PBX1: variants seen among roughly 807,000 people sequenced by gnomAD.
PBX1 encodes PBX homeobox 1.
Under a neutral mutation model 53.4 loss-of-function variants are expected in PBX1, and 6 were observed. That is an observed-to-expected ratio of 0.11 (90% confidence interval 0.06 to 0.22). The LOEUF is 0.22. Among genes scored for constraint, PBX1 ranks in the 10% least tolerant of loss-of-function variants. The pLI is 1.00. For synonymous variants in PBX1, 204 were observed against 212.3 expected, an observed-to-expected ratio of 0.96 and a Z score of 0.34; for missense variants, 251 against 551.4, an observed-to-expected ratio of 0.46 and a Z score of 5.46.
At chr1:164,870,255 TTCCTTCCTTCC>T (rs1291015151) in intron 2 of PBX1, among the ~76,000 whole-genome samples, 2 of 71,362 alleles carry the variant, frequency 2.8e-5, no homozygotes, top group Non-Finnish European at 5.4e-5. Context: ...CCTTCCTTCC[TTCCTTCCTTCC>T]TTCTTTCTTT....
At chr1:164,632,270 A>C (rs1243354081) in intron 2 of PBX1, among the ~76,000 whole-genome samples, 12 of 152,280 alleles carry the variant, frequency 7.9e-5, no homozygotes, top group Non-Finnish European at 1.5e-5. Flanking sequence ...TGAAGTTACA[A>C]AGCAGGAAGT....
At chr1:164,814,566 C>G (rs1365802400) in intron 6 of PBX1, 1 of 152,130 alleles carries the variant, frequency 6.6e-6, no homozygotes, top group African/African-American at 2.4e-5. Flanking sequence ...GTGGTGAAAC[C>G]CCGTCTCTAC....
rs148838054 is a variant in PBX1 at position 164,769,705 on chromosome 1, A to G, written c.266-22789A>G. Among the ~76,000 whole-genome samples the G allele has an allele frequency of 1.1e-3, 170 of 152,302 alleles. 2 individuals carry two copies. The highest frequency in any genetic ancestry group is 4.0e-3 in the African/African-American group (166 of 41,554). ...ACCAAATCATTTATGAATAACTTAT[A>G]TATAAGTGATGAAACTCTATAGTAC... On this transcript the variant is annotated intron_variant, in intron 2 of 8. Transcript: ENST00000420696.
At chr1:164,811,780 T>A (rs948723792) in intron 5 of PBX1, among the ~76,000 whole-genome samples, 2 of 152,210 alleles carry the variant, frequency 1.3e-5, no homozygotes, top group Non-Finnish European at 2.9e-5. Context: ...TTTCGCTAAA[T>A]TTCAGTTATA....
intron 2 of PBX1, among the ~76,000 whole-genome samples, chr1:164,858,222 A>G (rs1392446652): frequency 6.6e-6 from 1 of 152,094 alleles, no homozygotes; most frequent in Admixed American, 6.6e-5. Context: ...AAAAAAAGAT[A>G]CTGATTCCAT....
chr1:164,579,768 C>A (rs1654485296), intron 2 of PBX1, among the ~76,000 whole-genome samples: 1 of 152,104 alleles, frequency 6.6e-6, no homozygotes, highest in South Asian at 2.1e-4. Flanking sequence ...CAGAGAATGT[C>A]GGCAGAAGTG....
In PBX1 at chr1:164,627,688, G is replaced by C. The variant is rs56204430; in HGVS notation, c.265+64377G>C. Among the ~76,000 whole-genome samples, 1,147 of 152,316 alleles carry C rather than the reference G, an allele frequency of 7.5e-3. 17 individuals carry two copies. Among genetic ancestry groups the C allele is most frequent in the African/African-American group, 0.026 (1,099 of 41,564 alleles). On this transcript the variant is annotated intron_variant, in intron 2 of 8. Coordinates refer to ENST00000420696, the MANE Select transcript of PBX1 (RefSeq NM_002585.4). The stretch of plus-strand genomic sequence containing the variant: ...TAGCTCTGGAAGGAATAGACGATGG[G>C]CTTTTGTTGGGGGACAAGCATTTCT...
At chr1:164,595,697 G>A (rs1291929513) in intron 2 of PBX1, among the ~76,000 whole-genome samples, 1 of 152,050 alleles carries the variant, frequency 6.6e-6, no homozygotes, top group African/African-American at 2.4e-5. Context: ...GATGGTTATG[G>A]TTATGATTAT....
chr1:164,876,484 T>C (rs1262720366), intron 2 of PBX1, among the ~76,000 whole-genome samples: 1 of 150,768 alleles, frequency 6.6e-6, no homozygotes, highest in Non-Finnish European at 1.5e-5. Context: ...AAAGGAGACT[T>C]AGGTGAGTGC....
At chr1:164,578,748 A>G (rs1045916057) in intron 2 of PBX1, among the ~76,000 whole-genome samples, 1 of 152,216 alleles carries the variant, frequency 6.6e-6, no homozygotes, top group Non-Finnish European at 1.5e-5. Context: ...CTGGTGATAC[A>G]TGCAGAAGCA....
At chr1:164,722,489 G>A (rs1664463255) in intron 2 of PBX1, among the ~76,000 whole-genome samples, 1 of 152,268 alleles carries the variant, frequency 6.6e-6, no homozygotes, top group South Asian at 2.1e-4. Context: ...CAAAGTTACT[G>A]GGAGAAAGTG....
chr1:164,738,031 A>T (rs912819975), intron 2 of PBX1, among the ~76,000 whole-genome samples: 23 of 152,136 alleles, frequency 1.5e-4, no homozygotes, highest in African/African-American at 4.6e-4. Context: ...ATGGCTTTTC[A>T]TGTGTAATCT....
At chr1:164,727,293 T>C (rs1664748704) in intron 2 of PBX1, among the ~76,000 whole-genome samples, 1 of 152,238 alleles carries the variant, frequency 6.6e-6, no homozygotes, top group Non-Finnish European at 1.5e-5. Flanking sequence ...TTGTTTTTGA[T>C]TGTAAGATTC....
rs767349411 is a variant in PBX1, at chr1:164,820,199, A to G, written c.1110+15A>G. ...TGCAATCACAGGTAGGGACCCAGCC[A>G]ATATGTCACCAGGTGAATGCCTTAG... On this transcript the variant is annotated intron_variant, in intron 7 of 8. Coordinates refer to ENST00000420696, the MANE Select transcript of PBX1 (RefSeq NM_002585.4). 8 of 1,473,756 alleles carry G rather than the reference A, an allele frequency of 5.4e-6. No homozygotes were observed. Among genetic ancestry groups the G allele is most frequent in the Non-Finnish European group, 7.6e-6 (8 of 1,052,116 alleles). 91.3% of individuals were successfully genotyped at this position (1,473,756 alleles called of 1,614,324 possible).
At chr1:164,643,490 T>G (rs1235548740) in intron 2 of PBX1, among the ~76,000 whole-genome samples, 1 of 152,188 alleles carries the variant, frequency 6.6e-6, no homozygotes, top group Non-Finnish European at 1.5e-5. Context: ...ATATGTGGCA[T>G]ACTGCAGATA....
At chr1:164,583,793 G>C (rs1308205253) in intron 2 of PBX1, among the ~76,000 whole-genome samples, 1 of 151,846 alleles carries the variant, frequency 6.6e-6, no homozygotes, top group African/African-American at 2.4e-5. Flanking sequence ...CATTTGCCAG[G>C]TACTTCTATG....
intron 8 of PBX1, among the ~76,000 whole-genome samples, chr1:164,836,615 G>T (rs936719008): frequency 6.6e-6 from 1 of 152,074 alleles, no homozygotes; most frequent in Non-Finnish European, 1.5e-5. Context: ...CTAGCACTCC[G>T]TTCTCGTACA....
intron 2 of PBX1, among the ~76,000 whole-genome samples, chr1:164,661,117 A>C (rs544030417): frequency 2.6e-4 from 39 of 152,270 alleles, no homozygotes; most frequent in Non-Finnish European, 4.1e-4. Context: ...GAAGACTTTT[A>C]CTATGTTTTT....
intron 2 of PBX1, among the ~76,000 whole-genome samples, chr1:164,784,183 C>T (rs1277602031): frequency 6.6e-6 from 1 of 152,216 alleles, no homozygotes; most frequent in Non-Finnish European, 1.5e-5. Context: ...CCTCATACCT[C>T]TGGGTATGTC....
Sources: gnomAD v4.1 joint callset for allele counts (sites outside exome capture counted in the v4.1 genomes callset) on GRCh38, gnomAD v4.1.1 for gene constraint, MANE v1.5 for transcripts, NCBI Gene and HGNC (gene_info 2026-07-23, HGNC 2026-07-21) for gene names.